Variants in TSBP1 observed in about 807,000 individuals in gnomAD.
The protein encoded by TSBP1 is testis-expressed basic protein 1.
A neutral mutation model predicts 68.8 loss-of-function variants in TSBP1; 56 were observed. That is an observed-to-expected ratio of 0.81 (90% CI 0.66 to 1.02). The LOEUF (loss-of-function observed/expected upper bound fraction) is 1.02, where lower values mean the gene tolerates loss of function less well. Among genes scored for constraint, TSBP1 ranks in the 50% least tolerant of loss-of-function variants. TSBP1 has a pLI of 0.00. For missense variants in TSBP1, 502 were observed against 641.2 expected, an observed-to-expected ratio of 0.78 and a Z score of 2.34; for synonymous variants, 171 against 208.7, an observed-to-expected ratio of 0.82 and a Z score of 1.56.
exon 23 of TSBP1, chr6:32,293,009 C>T: frequency 6.2e-7 from 1 of 1,602,288 alleles, no homozygotes; most frequent in South Asian, 1.1e-5. Flanking sequence ...GTTGTACTTC[C>T]TTCCTGTATT....
rs1182564957 is a variant in TSBP1 at position 32,300,763 on chromosome 6, A to G, written c.602-63T>C. On this transcript the variant is annotated intron_variant, in intron 20 of 22. Coordinates refer to ENST00000612031, the Ensembl canonical transcript of TSBP1. ...GGCATTCCCTTCTTCCCAGTCCCCAAACCTCTGCATTGAGTGGGATCTGTG... is the reference window on the plus strand; with the variant it reads ...GGCATTCCCTTCTTCCCAGTCCCCAGACCTCTGCATTGAGTGGGATCTGTG... 13 of 1,361,956 alleles carry G rather than the reference A, an allele frequency of 9.5e-6. No homozygotes were observed. In the South Asian group the frequency reaches 1.2e-4, roughly 12 times the overall value. The allele number at this position is 1,361,956 out of a possible 1,614,324, so 84.4% of individuals were successfully genotyped here.
intron 19 of TSBP1, among the ~76,000 whole-genome samples, chr6:32,313,042 A>G (rs1766567728): frequency 6.6e-6 from 1 of 152,202 alleles, no homozygotes; most frequent in South Asian, 2.1e-4. Context: ...ATTTTTTATT[A>G]AGGACTGCAG....
At chr6:32,296,809 C>T (rs1291608095) in intron 22 of TSBP1, among the ~76,000 whole-genome samples, 1 of 152,170 alleles carries the variant, frequency 6.6e-6, no homozygotes, top group Non-Finnish European at 1.5e-5. Flanking sequence ...ATTATATAGG[C>T]TTTGTAAACC....
intron 20 of TSBP1, among the ~76,000 whole-genome samples, chr6:32,301,761 CAT>C (rs1765317375): frequency 6.7e-6 from 1 of 149,636 alleles, no homozygotes; most frequent in Non-Finnish European, 1.5e-5. Flanking sequence ...CTGTAAGAAA[CAT>C]ATACCAGGAT....
At chr6:32,367,229 G>A (rs1773841958) in intron 4 of TSBP1, among the ~76,000 whole-genome samples, 1 of 142,558 alleles carries the variant, frequency 7.0e-6, no homozygotes, top group African/African-American at 2.6e-5. Context: ...CAGAAAGAGA[G>A]AAAGAGGGAA....
rs546986152 is a variant in TSBP1 at position 32,322,801 on chromosome 6, G to T, written c.559+316C>A. On this transcript the variant is annotated intron_variant, in intron 18 of 22. Transcript: ENST00000612031. Reference sequence around the variant, plus strand: ...GCATAGTGTTGGGAAAAGACCACTGGATCCTTGCACTATAATGTTTGAAAG... The same window carrying T: ...GCATAGTGTTGGGAAAAGACCACTGTATCCTTGCACTATAATGTTTGAAAG... Among the ~76,000 whole-genome samples the T allele has an allele frequency of 9.9e-5, 15 of 152,194 alleles. No homozygotes were observed. In the South Asian group the frequency reaches 2.9e-3, roughly 30 times the overall value.
Position 32,336,074 on chromosome 6 carries a change from C to A in TSBP1, c.431-142G>T. 1 of 709,764 alleles carries A rather than the reference C, an allele frequency of 1.4e-6. No individual in the cohort carries two copies. The highest frequency in any genetic ancestry group is 2.4e-6 in the Non-Finnish European group (1 of 416,418). The allele number at this position is 709,764 out of a possible 1,614,324, so 44.0% of individuals were successfully genotyped here. A position where few individuals can be genotyped will look rare whatever the true frequency, so the allele number is the denominator to read the frequency against. ...GATCAAGAGTTGCTTGTATGGCGAG[C>A]CTCAGGCAGGCTCCCTGCACAATAT... On this transcript the variant is annotated intron_variant, in intron 12 of 22. Transcript: ENST00000612031. This position sits in a 1 kb window ranked among gnomAD's most constrained non-coding sequence, Gnocchi z 5.2.
At chr6:32,317,497 A>G (rs1166400566) in intron 18 of TSBP1, among the ~76,000 whole-genome samples, 4 of 152,358 alleles carry the variant, frequency 2.6e-5, no homozygotes, top group Admixed American at 2.6e-4. Flanking sequence ...CCAGCAAAAG[A>G]AACTGTCAAC....
chr6:32,349,650 A>G (rs1771491592), intron 9 of TSBP1, 90 bp downstream of exon 9: 1 of 750,324 alleles, frequency 1.3e-6, no homozygotes, highest in South Asian at 1.6e-5. Flanking sequence ...GCTGTGCTGC[A>G]GCGAAGAAGT....
At chr6:32,295,846 T>TC (rs1562050046) in intron 22 of TSBP1, among the ~76,000 whole-genome samples, 1 of 149,338 alleles carries the variant, frequency 6.7e-6, no homozygotes, top group African/African-American at 2.5e-5. Context: ...AAATTTCTTT[T>TC]TTTTTTTTTT....
rs1583153979 is a variant in TSBP1, at chr6:32,355,203, T to C, written c.239-59A>G. ...CATGAGAGTTTGGATCCCTAATCTTTACATATCAGCTTCAGTTGCTGTCAC... is the reference window on the plus strand; with the variant it reads ...CATGAGAGTTTGGATCCCTAATCTTCACATATCAGCTTCAGTTGCTGTCAC... On this transcript the variant is annotated intron_variant, in intron 7 of 22. Coordinates refer to ENST00000612031, the Ensembl canonical transcript of TSBP1. The C allele has an allele frequency of 2.6e-6, 4 of 1,553,832 alleles. No individual in the cohort carries two copies. In the East Asian group the frequency reaches 9.0e-5, roughly 35 times the overall value.
chr6:32,362,792 T>C (rs1179413798), intron 6 of TSBP1, among the ~76,000 whole-genome samples: 7 of 152,238 alleles, frequency 4.6e-5, no homozygotes, highest in Admixed American at 4.6e-4. Context: ...AAGTCTTCAA[T>C]CCATTTTGAA....
At chr6:32,349,973 C>T in intron 8 of TSBP1, 1 of 753,016 alleles carries the variant, frequency 1.3e-6, no homozygotes, top group Non-Finnish European at 2.4e-6. Context: ...ACTACAAGAT[C>T]TATGCAACCT....
intron 6 of TSBP1, among the ~76,000 whole-genome samples, chr6:32,358,302 A>G (rs1772563294): frequency 6.6e-6 from 1 of 152,148 alleles, no homozygotes; most frequent in African/African-American, 2.4e-5. Context: ...CCCAAGAAAT[A>G]TGAGATGTAA....
chr6:32,328,976 T>A (rs575478975), intron 16 of TSBP1, among the ~76,000 whole-genome samples: 2 of 152,316 alleles, frequency 1.3e-5, no homozygotes, highest in South Asian at 4.1e-4. Flanking sequence ...GCTTTTAGTG[T>A]ACCCATTACC....
Position 32,302,464 on chromosome 6 carries a change from A to C in TSBP1, c.601+145T>G, listed in dbSNP as rs925280889. Reference sequence around the variant, plus strand: ...GCAAGACCCTGTCTCAGAACAAAACAAAACCAAAAACACCAAACAAACCAA... The same window carrying C: ...GCAAGACCCTGTCTCAGAACAAAACCAAACCAAAAACACCAAACAAACCAA... On this transcript the variant is annotated intron_variant, in intron 20 of 22. Coordinates refer to ENST00000612031, the Ensembl canonical transcript of TSBP1. The surrounding 1 kb of genome is among the most constrained non-coding windows in gnomAD (Gnocchi z 5.1). The C allele has an allele frequency of 2.9e-6, 2 of 693,554 alleles. No individual in the cohort carries two copies. The highest frequency in any genetic ancestry group is 2.6e-5 in the Admixed American group (1 of 37,882). The allele number at this position is 693,554 out of a possible 1,614,324, so 43.0% of individuals were successfully genotyped here.
chr6:32,320,894 T>C (rs1767557024), intron 18 of TSBP1, among the ~76,000 whole-genome samples: 1 of 152,156 alleles, frequency 6.6e-6, no homozygotes, highest in Admixed American at 6.5e-5. Flanking sequence ...TGTCCATGTG[T>C]TCTCATCATT....
At chr6:32,295,842 CTTT>C (rs535371646) in intron 22 of TSBP1, among the ~76,000 whole-genome samples, 39 of 125,288 alleles carry the variant, frequency 3.1e-4, no homozygotes, top group East Asian at 7.0e-4. Context: ...AGGAAAATTT[CTTT>C]TTTTTTTTTT....
rs1766950284 is a variant in TSBP1, at chr6:32,316,341, G to A, written c.560-549C>T. 24 of 1,453,810 alleles carry A rather than the reference G, an allele frequency of 1.7e-5. No individual in the cohort carries two copies. The highest frequency in any genetic ancestry group is 2.3e-5 in the Non-Finnish European group (24 of 1,052,786). 90.1% of individuals were successfully genotyped at this position (1,453,810 alleles called of 1,614,324 possible). Reference sequence around the variant, plus strand: ...AACCACAAATCACTTTGACAGAAGTGAAGTGAAGGGGACCAAAGAGAACCA... The same window carrying A: ...AACCACAAATCACTTTGACAGAAGTAAAGTGAAGGGGACCAAAGAGAACCA... On this transcript the variant is annotated intron_variant, in intron 18 of 22. Transcript: ENST00000612031. The surrounding 1 kb of genome is among the most constrained non-coding windows in gnomAD (Gnocchi z 4.5).
Sources: gnomAD v4.1 joint callset for allele counts (sites outside exome capture counted in the v4.1 genomes callset) on GRCh38, gnomAD v4.1.1 for gene constraint, Gnocchi (gnomAD v3.1) non-coding constraint, MANE v1.5 for transcripts, NCBI Gene and HGNC (gene_info 2026-07-23, HGNC 2026-07-21) for gene names.